GDPD5: variants seen among roughly 807,000 people sequenced by gnomAD.
GDPD5 encodes the protein glycerophosphodiester phosphodiesterase domain containing 5, also known as glycerophosphodiester phosphodiesterase 2.
A neutral mutation model predicts 75.1 loss-of-function variants in GDPD5; 48 were observed. The ratio of observed to expected loss-of-function variants is 0.64; its 90% confidence interval spans 0.51 to 0.81. The LOEUF is 0.81. GDPD5 is among the 40% of genes least tolerant of loss of function. The probability of loss-of-function intolerance (pLI) is 0.00; values close to 1 mark genes in which losing one functional copy is unlikely to be tolerated. For synonymous variants in GDPD5, 336 were observed against 339.0 expected (o/e 0.99, Z 0.10); for missense variants, 706 against 822.6 (o/e 0.86, Z 1.73).
At chr11:75,470,876 T>C (rs183753757) in intron 3 of GDPD5, among the ~76,000 whole-genome samples, 13 of 152,326 alleles carry the variant, frequency 8.5e-5, no homozygotes, top group Non-Finnish European at 1.6e-4. Flanking sequence ...TGTGGTTGTG[T>C]TTCCAGGTTT....
intron 3 of GDPD5, among the ~76,000 whole-genome samples, chr11:75,476,438 C>T (rs1179768548): frequency 1.3e-5 from 2 of 151,436 alleles, no homozygotes; most frequent in Non-Finnish European, 2.9e-5. Context: ...GGATGCACCA[C>T]CAAAACCTGA....
At chr11:75,477,136 GCTTT>G (rs2135368448) in intron 3 of GDPD5, among the ~76,000 whole-genome samples, 1 of 152,358 alleles carries the variant, frequency 6.6e-6, no homozygotes, top group South Asian at 2.1e-4. Flanking sequence ...ACTGAAGGAG[GCTTT>G]CTTTATCCGG....
At chr11:75,473,451 T>C (rs556129212) in intron 3 of GDPD5, among the ~76,000 whole-genome samples, 4 of 152,200 alleles carry the variant, frequency 2.6e-5, no homozygotes, top group African/African-American at 9.6e-5. Context: ...GCCAGTCCGT[T>C]GATACCTTCT....
At chr11:75,481,592 G>A (rs1949921116) in intron 2 of GDPD5, among the ~76,000 whole-genome samples, 1 of 152,012 alleles carries the variant, frequency 6.6e-6, no homozygotes, top group African/African-American at 2.4e-5. Context: ...GTTGGTGTAG[G>A]GTGCTCTCAG....
At chr11:75,459,097 T>C (rs1949356722) in intron 4 of GDPD5, among the ~76,000 whole-genome samples, 1 of 152,140 alleles carries the variant, frequency 6.6e-6, no homozygotes, top group Non-Finnish European at 1.5e-5. Context: ...ACACAAGCAT[T>C]TACTTATGCC....
intron 1 of GDPD5, among the ~76,000 whole-genome samples, chr11:75,511,742 G>A (rs1950522350): frequency 6.6e-6 from 1 of 152,166 alleles, no homozygotes; most frequent in South Asian, 2.1e-4. Flanking sequence ...GCTCATGACA[G>A]AGACAGATAA....
intron 1 of GDPD5, among the ~76,000 whole-genome samples, chr11:75,510,508 C>T (rs992342715): frequency 3.9e-5 from 6 of 152,300 alleles, no homozygotes; most frequent in South Asian, 2.1e-4. Flanking sequence ...TCTCCAGCCC[C>T]GTCTGACCTC....
At chr11:75,502,482 T>A (rs939876157) in intron 1 of GDPD5, among the ~76,000 whole-genome samples, 19 of 152,256 alleles carry the variant, frequency 1.2e-4, no homozygotes, top group Non-Finnish European at 2.6e-4. Context: ...TAGGCATTGT[T>A]CTAGGCATTT....
At chr11:75,518,622 G>A (rs911850566) in intron 1 of GDPD5, among the ~76,000 whole-genome samples, 2 of 152,280 alleles carry the variant, frequency 1.3e-5, no homozygotes, top group African/African-American at 4.8e-5. Context: ...CCTGCCACAC[G>A]CCTTTCTAAG....
At chr11:75,436,856 T>A (rs538457358) in intron 16 of GDPD5, 80 bp downstream of exon 16, 37 of 1,020,058 alleles carry the variant, frequency 3.6e-5, no homozygotes, top group Non-Finnish European at 5.2e-5. Flanking sequence ...TGAATGTGTG[T>A]GCATACACAT....
intron 1 of GDPD5, among the ~76,000 whole-genome samples, chr11:75,504,042 T>C (rs1290075606): frequency 1.3e-5 from 2 of 152,194 alleles, no homozygotes; most frequent in Non-Finnish European, 2.9e-5. Flanking sequence ...CTGGGTGAAC[T>C]TGAATGAGTC....
chr11:75,456,772 C>T lies in GDPD5; in HGVS notation c.360G>A (p.Leu120=). 6.2e-7 allele frequency: 1 copy of T among 1,614,244 alleles called. No individual in the cohort carries two copies. Among genetic ancestry groups the T allele is most frequent in the East Asian group, 2.2e-5 (1 of 44,890 alleles). ...CGGCCCTTACCTTGTGCAGCCAGTG[C>T]AGGTTCATCTGCTGCCCCACGGCAA... ...CHIAVGQQMN[L]HWLHKIGLVV... is the part of the protein sequence containing the mutation. The change falls in exon 6 of 17, where the codon CTG becomes CTA. Residue 120 remains leucine (L), a synonymous_variant. Coordinates refer to ENST00000336898, the MANE Select transcript of GDPD5 (RefSeq NM_030792.8).
chr11:75,509,491 G>T (rs985577515), intron 1 of GDPD5, among the ~76,000 whole-genome samples: 1 of 152,208 alleles, frequency 6.6e-6, no homozygotes, highest in East Asian at 1.9e-4. Context: ...TGGCCCAGAG[G>T]CTTGGGGGAT....
intron 1 of GDPD5, among the ~76,000 whole-genome samples, chr11:75,502,601 C>T (rs1240729452): frequency 6.6e-6 from 1 of 152,190 alleles, no homozygotes; most frequent in Non-Finnish European, 1.5e-5. Flanking sequence ...GATGCTGACA[C>T]CAGTCCCATG....
chr11:75,488,652 C>G (rs936877904), intron 2 of GDPD5, among the ~76,000 whole-genome samples: 2 of 152,158 alleles, frequency 1.3e-5, no homozygotes, highest in African/African-American at 4.8e-5. Flanking sequence ...CAATCCAAAT[C>G]CCAATCCAAA....
intron 1 of GDPD5, among the ~76,000 whole-genome samples, chr11:75,521,622 T>G (rs979081285): frequency 4.6e-5 from 7 of 152,232 alleles, no homozygotes; most frequent in Non-Finnish European, 8.8e-5. Flanking sequence ...CAAAATGTTA[T>G]GGATAGTAGG....
chr11:75,503,753 G>A (rs1396566347), intron 1 of GDPD5, among the ~76,000 whole-genome samples: 1 of 152,258 alleles, frequency 6.6e-6, no homozygotes, highest in Non-Finnish European at 1.5e-5. Flanking sequence ...TGTTGCTGAA[G>A]CAGCTCCGCT....
At chr11:75,488,323 C>T (rs1423608784) in intron 2 of GDPD5, among the ~76,000 whole-genome samples, 1 of 152,162 alleles carries the variant, frequency 6.6e-6, no homozygotes, top group Non-Finnish European at 1.5e-5. Flanking sequence ...TTCAGCATCC[C>T]CCACCCTCAG....
At position 75,525,612 on chromosome 11, in the gene GDPD5, C is replaced by A. The variant is rs952100980; in HGVS notation, c.-547G>T. On this transcript the variant is annotated 5_prime_UTR_variant, in exon 1 of 17. Transcript: ENST00000336898. ...CCGGTACGGCGGCGTTAGGAGCGTC[C>A]CGTCCCGGCGCAGCGGGTCAGGGCC... is the stretch of plus-strand genomic sequence containing the variant. The A allele has an allele frequency of 6.6e-5, 10 of 151,982 alleles. No homozygotes were observed. Among genetic ancestry groups the A allele is most frequent in the African/African-American group, 2.2e-4 (9 of 41,512 alleles). 9.4% of individuals were successfully genotyped at this position (151,982 alleles called of 1,614,324 possible).
Sources: gnomAD v4.1 joint callset for allele counts (sites outside exome capture counted in the v4.1 genomes callset) on GRCh38, gnomAD v4.1.1 for gene constraint, MANE v1.5 for transcripts, NCBI Gene and HGNC (gene_info 2026-07-23, HGNC 2026-07-21) for gene names.